GFRA2: variants seen among roughly 807,000 people sequenced by gnomAD.
The protein encoded by GFRA2 is GDNF family receptor alpha-2.
GFRA2 carries 17 observed loss-of-function variants against 48.3 expected under a neutral mutation model. That is an observed-to-expected ratio of 0.35 (90% CI 0.24 to 0.53). The LOEUF (loss-of-function observed/expected upper bound fraction) is 0.53, where lower values mean the gene tolerates loss of function less well. Among genes scored for constraint, GFRA2 ranks in the 20% least tolerant of loss-of-function variants. The pLI, the probability that GFRA2 is intolerant of heterozygous loss-of-function variation, is 0.93. For missense variants in GFRA2, 660 were observed against 637.3 expected, an observed-to-expected ratio of 1.04 and a Z score of -0.38; for synonymous variants, 305 against 257.2, an observed-to-expected ratio of 1.19 and a Z score of -1.78.
chr8:21,775,201 G>A lies in GFRA2; in HGVS notation c.356-146C>T, dbSNP rs1806635955. 6.5e-6 allele frequency: 4 copies of A among 618,974 alleles called. No individual in the cohort carries two copies. The East Asian group carries it at 1.0e-4, about 16-fold the overall frequency. The allele number at this position is 618,974 out of a possible 1,614,324, so 38.3% of individuals were successfully genotyped here. On this transcript the variant is annotated intron_variant, in intron 2 of 8. Coordinates refer to ENST00000524240, the MANE Select transcript of GFRA2 (RefSeq NM_001495.5). ...GAGACAGGGCAGCCCTTCCCAAAGT[G>A]AAGAGTGCAGGACCAGGGCACATTA...
At chr8:21,693,564 C>T (rs1801979712) in intron 8 of GFRA2, among the ~76,000 whole-genome samples, 164 bp from the exon 9 acceptor site, 2 of 152,068 alleles carry the variant, frequency 1.3e-5, no homozygotes, top group South Asian at 4.2e-4. Context: ...CTGAAGGGAG[C>T]GCTGACTCTC....
At chr8:21,704,956 T>C (rs763906914) in intron 6 of GFRA2, 29 bp downstream of exon 6, 9 of 1,519,130 alleles carry the variant, frequency 5.9e-6, no homozygotes, top group Non-Finnish European at 8.1e-6. Context: ...GAGGGGCTGC[T>C]GGGGTTGGGG....
At chr8:21,789,098 GA>G (rs1807434540), upstream of GFRA2, 2 of 92,860 alleles carry the variant, frequency 2.2e-5, no homozygotes, top group Non-Finnish European at 4.5e-5. Context: ...GCGACAAGGC[GA>G]AGGCGGTGGC....
At chr8:21,749,058 C>G (rs1805145973) in intron 4 of GFRA2, among the ~76,000 whole-genome samples, 1 of 152,242 alleles carries the variant, frequency 6.6e-6, no homozygotes, top group Non-Finnish European at 1.5e-5. Context: ...CCTCATCCCA[C>G]TGAATTGGGA....
intron 2 of GFRA2, among the ~76,000 whole-genome samples, chr8:21,781,669 G>A (rs1407453158): frequency 6.6e-6 from 1 of 151,234 alleles, no homozygotes; most frequent in Non-Finnish European, 1.5e-5. Context: ...CCCCAGACTC[G>A]GCTTCAGGAG....
intron 4 of GFRA2, among the ~76,000 whole-genome samples, chr8:21,741,488 T>C (rs1804741979): frequency 6.6e-6 from 1 of 152,170 alleles, no homozygotes; most frequent in African/African-American, 2.4e-5. Flanking sequence ...GATGCTTGTC[T>C]GTGTGCTTGC....
chr8:21,712,416 G>A (rs1156956524), intron 4 of GFRA2, among the ~76,000 whole-genome samples: 10 of 151,294 alleles, frequency 6.6e-5, no homozygotes, highest in East Asian at 2.0e-4. Context: ...ATGGGCGGCC[G>A]GGCAGAGACG....
At chr8:21,702,585 C>A (rs1802534556) in intron 7 of GFRA2, among the ~76,000 whole-genome samples, 1 of 152,208 alleles carries the variant, frequency 6.6e-6, no homozygotes, top group Admixed American at 6.5e-5. Context: ...CTATAGCCTG[C>A]AAAGCAGGTA....
At chr8:21,722,771 C>T (rs1243074438) in intron 4 of GFRA2, among the ~76,000 whole-genome samples, 1 of 152,242 alleles carries the variant, frequency 6.6e-6, no homozygotes, top group Non-Finnish European at 1.5e-5. Flanking sequence ...TACCCTCCAA[C>T]TCCACAACAG....
intron 6 of GFRA2, among the ~76,000 whole-genome samples, chr8:21,703,218 A>G (rs1488017370): frequency 1.3e-5 from 2 of 152,182 alleles, no homozygotes; most frequent in East Asian, 1.9e-4. Flanking sequence ...GAATAGCAAG[A>G]AGTGTACATG....
intron 1 of GFRA2, among the ~76,000 whole-genome samples, chr8:21,787,161 C>T (rs998038812): frequency 2.0e-4 from 31 of 151,684 alleles, no homozygotes; most frequent in African/African-American, 7.0e-4. Flanking sequence ...TGCGATTTCA[C>T]CTAGCTTTAA....
At chr8:21,790,601 G>A (rs1807549824), upstream of GFRA2, among the ~76,000 whole-genome samples, 1 of 152,262 alleles carries the variant, frequency 6.6e-6, no homozygotes, top group Admixed American at 6.5e-5. Flanking sequence ...CTTTCCTGTG[G>A]TCCGTCCTGG....
intron 4 of GFRA2, among the ~76,000 whole-genome samples, chr8:21,718,020 T>C (rs940914847): frequency 6.6e-6 from 1 of 152,218 alleles, no homozygotes; most frequent in Non-Finnish European, 1.5e-5. Context: ...GAGCAGGTAA[T>C]TAAAGGAGGC....
At chr8:21,804,510 C>G (rs1807825921) in intron 2 of GFRA2, among the ~76,000 whole-genome samples, 1 of 151,966 alleles carries the variant, frequency 6.6e-6, no homozygotes, top group African/African-American at 2.4e-5. Context: ...GTCACAACTC[C>G]TGGGTGGGGA....
intron 2 of GFRA2, chr8:21,780,838 A>G: frequency 6.6e-6 from 1 of 152,358 alleles, no homozygotes. Flanking sequence ...TAGCTCTCAG[A>G]GGGCCGGGGG....
At chr8:21,785,256 G>T (rs1378645943) in intron 1 of GFRA2, among the ~76,000 whole-genome samples, 1 of 152,154 alleles carries the variant, frequency 6.6e-6, no homozygotes, top group African/African-American at 2.4e-5. Flanking sequence ...ACAATCTTAG[G>T]GAGGCTCCCG....
chr8:21,696,316 C>G (rs1323514892), intron 7 of GFRA2, among the ~76,000 whole-genome samples: 1 of 151,314 alleles, frequency 6.6e-6, no homozygotes, highest in African/African-American at 2.4e-5. Flanking sequence ...TCCACCATAA[C>G]AGCTCCATTT....
At chr8:21,759,412 GGGAA>G (rs1359803200) in intron 3 of GFRA2, among the ~76,000 whole-genome samples, 1 of 68,718 alleles carries the variant, frequency 1.5e-5, no homozygotes, top group South Asian at 6.4e-4. Flanking sequence ...AAGAGAGAGA[GGGAA>G]AGAGGGAAAG....
At chr8:21,731,340 T>C (rs979980431) in intron 4 of GFRA2, among the ~76,000 whole-genome samples, 4 of 152,138 alleles carry the variant, frequency 2.6e-5, no homozygotes, top group Non-Finnish European at 4.4e-5. Context: ...CTGAGAACGA[T>C]GAGGATGTGG....
Sources: allele counts gnomAD v4.1 joint callset (sites outside exome capture counted in the v4.1 genomes callset), GRCh38; gene constraint gnomAD v4.1.1; transcripts MANE v1.5; gene names NCBI Gene and HGNC (gene_info 2026-07-23, HGNC 2026-07-21).